Variants in IQSEC3 observed in about 807,000 individuals in gnomAD.
IQSEC3 encodes IQ motif and Sec7 domain ArfGEF 3, also known as IQ motif and SEC7 domain-containing protein 3.
In IQSEC3, 50 loss-of-function variants were observed where a neutral mutation model predicts 105.4. That is an observed-to-expected ratio of 0.47 (90% confidence interval 0.38 to 0.60). The LOEUF (loss-of-function observed/expected upper bound fraction) is 0.60, where lower values mean the gene tolerates loss of function less well. IQSEC3 is among the 20% of genes least tolerant of loss of function. The pLI, the probability that IQSEC3 is intolerant of heterozygous loss-of-function variation, is 0.00. For synonymous variants in IQSEC3, 708 were observed against 746.0 expected (o/e 0.95, Z 0.83); for missense variants, 1,415 against 1,630.0 (o/e 0.87, Z 2.27).
chr12:90,887 C>G (rs1046376147), intron 1 of IQSEC3, among the ~76,000 whole-genome samples: 1 of 152,090 alleles, frequency 6.6e-6, no homozygotes, highest in East Asian at 1.9e-4. Flanking sequence ...AGAAAAGGCT[C>G]TTTGGAGGAG....
At chr12:88,535 G>A (rs1344944532) in intron 1 of IQSEC3, among the ~76,000 whole-genome samples, 3 of 152,236 alleles carry the variant, frequency 2.0e-5, no homozygotes, top group African/African-American at 7.2e-5. Context: ...AAGTCCTGGA[G>A]AGCAGGGGGT....
intron 2 of IQSEC3, among the ~76,000 whole-genome samples, chr12:122,957 T>C (rs1532609): frequency 0.58 from 87,780 of 152,014 alleles, 25,821 homozygotes; most frequent in East Asian, 0.69. Context: ...TAAAACTGTA[T>C]GCTGCCCGGC....
At chr12:158,775 C>T (rs1276755468) in intron 7 of IQSEC3, among the ~76,000 whole-genome samples, 1 of 152,198 alleles carries the variant, frequency 6.6e-6, no homozygotes, top group East Asian at 1.9e-4. Context: ...TCTTATGGCT[C>T]AGCCTCCCAA....
chr12:88,321 A>G (rs558330261), intron 1 of IQSEC3, among the ~76,000 whole-genome samples: 3 of 152,310 alleles, frequency 2.0e-5, no homozygotes, highest in African/African-American at 7.2e-5. Flanking sequence ...ACACTGAGTT[A>G]CTGCAAGACC....
At chr12:106,996 A>G (rs1358037075) in intron 2 of IQSEC3, 1 of 152,248 alleles carries the variant, frequency 6.6e-6, no homozygotes, top group South Asian at 2.1e-4. Flanking sequence ...ACTGCCCTCA[A>G]GAGACCATGG....
In IQSEC3 at chr12:157,542, T is replaced by C. The variant is rs562871449; in HGVS notation, c.2291T>C (p.Met764Thr). The C allele has an allele frequency of 8.7e-6, 14 of 1,613,792 alleles. No individual in the cohort carries two copies. The highest frequency in any genetic ancestry group is 4.4e-5 in the South Asian group (4 of 91,036). ...CCCCCCCACAGCCAGCGCTACTGCA[T>C]GTGCAACCCCGAAGTGGTTCAGCAG... ...LIEAFSQRYC[M>T]CNPEVVQQFH... is the part of the protein sequence containing the mutation. Residue 764 changes from methionine to threonine, a missense_variant, in exon 7 of 14, where the codon ATG (methionine) becomes ACG (threonine). This residue lies in a region of IQSEC3 where 213 missense variants were observed against 306.2 expected (regional missense o/e 0.70). Coordinates refer to ENST00000538872, the MANE Select transcript of IQSEC3 (RefSeq NM_001170738.2).
intron 1 of IQSEC3, among the ~76,000 whole-genome samples, chr12:71,142 A>G (rs1863299882): frequency 6.6e-6 from 1 of 152,286 alleles, no homozygotes; most frequent in African/African-American, 2.4e-5. Context: ...GGGGATAGCT[A>G]GAAGAGTTCT....
chr12:93,829 C>G (rs1864167505), intron 1 of IQSEC3, among the ~76,000 whole-genome samples: 2 of 152,090 alleles, frequency 1.3e-5, no homozygotes, highest in African/African-American at 4.8e-5. Context: ...TGAGTGACTT[C>G]TCACTCTGTT....
At chr12:115,114 T>C (rs1555080378) in intron 2 of IQSEC3, among the ~76,000 whole-genome samples, 2 of 152,226 alleles carry the variant, frequency 1.3e-5, no homozygotes, top group Non-Finnish European at 2.9e-5. Flanking sequence ...ACTAGCTAAA[T>C]GTCCAGAGCA....
intron 4 of IQSEC3, 131 bp downstream of exon 4, chr12:139,485 C>T (rs1317409604): frequency 1.5e-5 from 10 of 661,560 alleles, no homozygotes; most frequent in Non-Finnish European, 2.5e-5. Flanking sequence ...TCCAGGCAGG[C>T]GCATCTGTGC....
intron 5 of IQSEC3, among the ~76,000 whole-genome samples, chr12:155,029 C>T (rs1555093778): frequency 6.6e-6 from 1 of 152,214 alleles, no homozygotes; most frequent in Non-Finnish European, 1.5e-5. Flanking sequence ...TCTTGGTCAC[C>T]AGCCCTGGAC....
At chr12:146,313 G>A (rs535102439) in intron 5 of IQSEC3, among the ~76,000 whole-genome samples, 58 of 152,288 alleles carry the variant, frequency 3.8e-4, no homozygotes, top group Middle Eastern at 3.4e-3. Context: ...TTATGTGTCC[G>A]GAGGAGATAA....
At chr12:127,440 C>T (rs908926542) in intron 3 of IQSEC3, among the ~76,000 whole-genome samples, 26 of 152,122 alleles carry the variant, frequency 1.7e-4, no homozygotes, top group Non-Finnish European at 2.9e-4. Context: ...TCCTTGAATG[C>T]GGGAGGCGGA....
chr12:135,515 A>G (rs782596980), intron 3 of IQSEC3, among the ~76,000 whole-genome samples: 2 of 152,234 alleles, frequency 1.3e-5, no homozygotes, highest in Non-Finnish European at 2.9e-5. Flanking sequence ...GCTAGTGTAC[A>G]CATCCTATAT....
chr12:73,214 TG>T (rs1863395089), intron 1 of IQSEC3, among the ~76,000 whole-genome samples: 1 of 152,152 alleles, frequency 6.6e-6, no homozygotes, highest in African/African-American at 2.4e-5. Flanking sequence ...ACATGGGCTT[TG>T]GGCAAGCACG....
In IQSEC3 at chr12:139,486, G is replaced by C. The variant is rs1865929453; in HGVS notation, c.1991+132G>C. The C allele has an allele frequency of 6.0e-6, 4 of 662,070 alleles. No individual in the cohort carries two copies. The East Asian group carries it at 1.1e-4, about 19-fold the overall frequency. 41.0% of individuals were successfully genotyped at this position (662,070 alleles called of 1,614,324 possible). ...TCATGCCAGGGTCCTCCAGGCAGGCGCATCTGTGCCGTGCCTGATCCCTGA... is the reference window on the plus strand; with the variant it reads ...TCATGCCAGGGTCCTCCAGGCAGGCCCATCTGTGCCGTGCCTGATCCCTGA... On this transcript the variant is annotated intron_variant, in intron 4 of 13. Transcript: ENST00000538872.
intron 2 of IQSEC3, among the ~76,000 whole-genome samples, chr12:124,158 G>A (rs968488593): frequency 2.0e-5 from 3 of 151,998 alleles, no homozygotes; most frequent in Admixed American, 6.6e-5. Context: ...AGGCTGAGGC[G>A]GGTGGATCAC....
At chr12:112,329 G>T (rs1864919093) in intron 2 of IQSEC3, among the ~76,000 whole-genome samples, 1 of 151,992 alleles carries the variant, frequency 6.6e-6, no homozygotes. Context: ...AGTGGGGGAG[G>T]CCGAGAAGCA....
At chr12:119,869 C>T (rs1865163393) in intron 2 of IQSEC3, among the ~76,000 whole-genome samples, 1 of 152,178 alleles carries the variant, frequency 6.6e-6, no homozygotes, top group Admixed American at 6.5e-5. Context: ...ATGGGGCTGA[C>T]AGCTAAAGGC....
Sources: allele counts gnomAD v4.1 joint callset (sites outside exome capture counted in the v4.1 genomes callset), GRCh38; gene constraint gnomAD v4.1.1; regional missense constraint gnomAD v4.1.1; transcripts MANE v1.5; gene names NCBI Gene and HGNC (gene_info 2026-07-23, HGNC 2026-07-21).